The following ZNF665 variants were observed in gnomAD, a reference collection of about 807,000 sequenced individuals.
ZNF665 encodes zinc finger protein 665.
In ZNF665, 6 loss-of-function variants were observed where a neutral mutation model predicts 7.9. That is an observed-to-expected ratio of 0.76 (90% CI 0.42 to 1.50). The LOEUF (loss-of-function observed/expected upper bound fraction) is 1.50. ZNF665 is among the 40% of genes most tolerant of loss of function. The probability of loss-of-function intolerance (pLI) is 0.01; values close to 1 mark genes in which losing one functional copy is unlikely to be tolerated. For missense variants in ZNF665, 819 were observed against 806.7 expected (o/e 1.02, Z -0.18); for synonymous variants, 242 against 274.5 (o/e 0.88, Z 1.17).
At chr19:53,182,585 C>A in intron 2 of ZNF665, 3 of 720,384 alleles carry the variant, frequency 4.2e-6, no homozygotes, top group South Asian at 1.5e-5. Context: ...CAAATATGTC[C>A]TGAACAATCC....
chr19:53,193,184 G>C (rs1412114496), intron 1 of ZNF665, 128 bp downstream of exon 1: 1 of 152,200 alleles, frequency 6.6e-6, no homozygotes, highest in Non-Finnish European at 1.5e-5. Flanking sequence ...TCGCGGCAAA[G>C]TCTGAATTTA....
chr19:53,166,466 CT>C (rs2090616982), intron 3 of ZNF665, 119 bp from the exon 4 acceptor site: 1 of 908,838 alleles, frequency 1.1e-6, no homozygotes, highest in Non-Finnish European at 1.6e-6. Flanking sequence ...ACTTACGATT[CT>C]TCAGAACCAT....
intron 2 of ZNF665, among the ~76,000 whole-genome samples, chr19:53,176,853 C>T (rs1404141902): frequency 2.0e-5 from 3 of 152,254 alleles, no homozygotes; most frequent in African/African-American, 7.2e-5. Flanking sequence ...GGCATGGTGG[C>T]TCACGCCTGT....
intron 2 of ZNF665, chr19:53,181,228 T>A (rs1047750521): frequency 1.7e-4 from 26 of 152,058 alleles, no homozygotes; most frequent in African/African-American, 5.8e-4. Context: ...GAGACGATCC[T>A]TGGCAAAATA....
intron 1 of ZNF665, among the ~76,000 whole-genome samples, chr19:53,190,493 C>T (rs1332878668): frequency 6.6e-6 from 1 of 152,198 alleles, no homozygotes; most frequent in Non-Finnish European, 1.5e-5. Context: ...GTCAGTTCTC[C>T]CAGGTGAAGA....
chr19:53,164,563 T>A lies in ZNF665; in HGVS notation c.1927A>T (p.Thr643Ser), dbSNP rs1203391256. The A allele has an allele frequency of 6.2e-7, 1 of 1,614,094 alleles. No homozygotes were observed. Among genetic ancestry groups the A allele is most frequent in the Admixed American group, 1.7e-5 (1 of 60,004 alleles). Residue 643 changes from threonine (T) to serine (S), a missense_variant, in exon 4 of 4, where the codon ACC becomes TCC. Thr to Ser is a moderately conservative substitution (Grantham distance 58, BLOSUM62 1). Coordinates refer to ENST00000396424, the MANE Select transcript of ZNF665 (RefSeq NM_024733.5). ...TCTCCAGTATGGACTGCCATATGGG[T>A]AGTTAGGGTTGAACGAACACTGAAG... ...KAFSVRSTLT[T>S]HMAVHTGDKP...
At chr19:53,171,008 C>T (rs545790570) in intron 3 of ZNF665, among the ~76,000 whole-genome samples, 12 of 152,044 alleles carry the variant, frequency 7.9e-5, no homozygotes, top group Admixed American at 3.9e-4. Flanking sequence ...GTTTTCGAGA[C>T]GGAGTCTTGC....
intron 1 of ZNF665, among the ~76,000 whole-genome samples, chr19:53,189,259 CGA>C (rs1179402497): frequency 1.3e-5 from 2 of 151,870 alleles, no homozygotes; most frequent in East Asian, 1.9e-4. Context: ...TGTGCAGCGA[CGA>C]GAGAGTGTAG....
intron 2 of ZNF665, chr19:53,182,366 G>A (rs1251704179): frequency 9.5e-6 from 3 of 314,940 alleles, no homozygotes; most frequent in Non-Finnish European, 1.8e-5. Context: ...GCGAGACTCT[G>A]TCTCAACAAA....
chr19:53,185,698 A>G (rs912089260), intron 1 of ZNF665, among the ~76,000 whole-genome samples: 4 of 152,034 alleles, frequency 2.6e-5, no homozygotes, highest in African/African-American at 7.3e-5. Flanking sequence ...GAACAGAAAA[A>G]TCAAGAGACA....
intron 3 of ZNF665, among the ~76,000 whole-genome samples, chr19:53,171,253 T>C (rs765397018): frequency 6.6e-6 from 1 of 152,048 alleles, no homozygotes; most frequent in Non-Finnish European, 1.5e-5. Context: ...CCCAAAATGC[T>C]GGGATTACAG....
intron 1 of ZNF665, among the ~76,000 whole-genome samples, chr19:53,192,716 G>A (rs762264136): frequency 1.3e-5 from 2 of 152,162 alleles, no homozygotes; most frequent in Non-Finnish European, 2.9e-5. Flanking sequence ...TCCTGGAGGA[G>A]CACATTTTCC....
Position 53,165,264 on chromosome 19 carries a change from T to C in ZNF665, c.1226A>G (p.Lys409Arg), listed in dbSNP as rs372574561. The change falls in exon 4 of 4, where the codon AAG becomes AGG. Residue 409 changes from lysine to arginine, a missense_variant. Transcript: ENST00000396424. ...EKPFKCNECVKVFTQYSHLAN... is the reference protein window; with the variant it reads ...EKPFKCNECVRVFTQYSHLAN... ...TAAGTGTGAATACTGAGTGAAAACC[T>C]TGACGCATTCATTACATTTGAAAGG... 3.8e-5 allele frequency: 61 copies of C among 1,613,092 alleles called. No homozygotes were observed. Among genetic ancestry groups the C allele is most frequent in the Admixed American group, 3.3e-5 (2 of 59,944 alleles).
At chr19:53,190,888 C>A (rs758140815) in intron 1 of ZNF665, among the ~76,000 whole-genome samples, 1 of 143,628 alleles carries the variant, frequency 7.0e-6, no homozygotes, top group African/African-American at 2.9e-5. Context: ...GAGCCAAGAT[C>A]GTGCCATTGC....
At chr19:53,169,444 T>C (rs62115535) in intron 3 of ZNF665, among the ~76,000 whole-genome samples, 29,724 of 152,032 alleles carry the variant, frequency 0.2, 3,567 homozygotes, top group African/African-American at 0.34. Flanking sequence ...TCTCACACAC[T>C]GGTAGTGGGA....
At position 53,183,890 on chromosome 19, in the gene ZNF665, G is replaced by A. The variant is rs187972430; in HGVS notation, c.-45-947C>T. Among the ~76,000 whole-genome samples, 226 of 152,286 alleles carry A rather than the reference G, an allele frequency of 1.5e-3. 3 individuals are homozygous for A. Among genetic ancestry groups the A allele is most frequent in the African/African-American group, 5.3e-3 (219 of 41,554 alleles). On this transcript the variant is annotated intron_variant, in intron 1 of 3. Transcript: ENST00000396424. ...GAGGCACAGGCAGGAGACGAGGTCA[G>A]AGAGGTCCTGGGGGAGCAGGTCAGG...
chr19:53,175,964 A>C lies in ZNF665; in HGVS notation c.16-393T>G, dbSNP rs551987516. 2.3e-4 allele frequency among the ~76,000 whole-genome samples: 35 copies of C among 152,112 alleles called. 1 individual carries two copies. The East Asian group carries it at 5.0e-3, about 22-fold the overall frequency. On this transcript the variant is annotated intron_variant, in intron 2 of 3. Coordinates refer to ENST00000396424, the MANE Select transcript of ZNF665 (RefSeq NM_024733.5). ...TCACTTGAGGTCAGGAGTTTGAGACAAGCCTGGCCAACACAGTGAAACCCT... is the reference window on the plus strand; with the variant it reads ...TCACTTGAGGTCAGGAGTTTGAGACCAGCCTGGCCAACACAGTGAAACCCT...
intron 1 of ZNF665, among the ~76,000 whole-genome samples, chr19:53,192,703 G>T (rs2090826360): frequency 6.6e-6 from 1 of 152,128 alleles, no homozygotes; most frequent in African/African-American, 2.4e-5. Context: ...TAAGACACCT[G>T]GATCCTGGAG....
intron 1 of ZNF665, among the ~76,000 whole-genome samples, chr19:53,192,702 T>C (rs2090826341): frequency 6.6e-6 from 1 of 152,154 alleles, no homozygotes; most frequent in South Asian, 2.1e-4. Flanking sequence ...GTAAGACACC[T>C]GGATCCTGGA....
Sources: gnomAD v4.1 joint callset for allele counts (sites outside exome capture counted in the v4.1 genomes callset) on GRCh38, gnomAD v4.1.1 for gene constraint, MANE v1.5 for transcripts, NCBI Gene and HGNC (gene_info 2026-07-23, HGNC 2026-07-21) for gene names.